Variants in SLC6A11 observed in about 807,000 individuals in gnomAD.
SLC6A11 encodes solute carrier family 6 member 11.
A neutral mutation model predicts 74.8 loss-of-function variants in SLC6A11; 25 were observed. The observed-to-expected ratio is 0.33, with a 90% CI of 0.24 to 0.47. The LOEUF is 0.47. Among genes scored for constraint, SLC6A11 ranks in the 20% least tolerant of loss-of-function variants. The probability of loss-of-function intolerance (pLI) is 1.00; values close to 1 mark genes in which losing one functional copy is unlikely to be tolerated. For synonymous variants in SLC6A11, 330 were observed against 330.2 expected (o/e 1.00, Z 0.01); for missense variants, 574 against 837.0 (o/e 0.69, Z 3.88).
intron 5 of SLC6A11, among the ~76,000 whole-genome samples, chr3:10,846,342 C>T (rs1694502863): frequency 6.6e-6 from 1 of 152,192 alleles, no homozygotes; most frequent in Non-Finnish European, 1.5e-5. Context: ...GGTATTATTA[C>T]TACTTTTGCT....
At chr3:10,822,039 A>G (rs913497810) in intron 3 of SLC6A11, among the ~76,000 whole-genome samples, 4 of 152,160 alleles carry the variant, frequency 2.6e-5, no homozygotes, top group Admixed American at 2.6e-4. Flanking sequence ...GACAATCTGG[A>G]TTTTCCCCAG....
intron 5 of SLC6A11, among the ~76,000 whole-genome samples, chr3:10,868,689 T>G (rs1288529198): frequency 6.6e-6 from 1 of 152,222 alleles, no homozygotes; most frequent in Non-Finnish European, 1.5e-5. Context: ...CAGCCAGGCT[T>G]GATGGTACCT....
intron 11 of SLC6A11, 108 bp from the exon 12 acceptor site, chr3:10,933,958 G>C (rs1031989659): frequency 1.7e-5 from 12 of 717,320 alleles, no homozygotes; most frequent in Non-Finnish European, 2.2e-5. Context: ...TCCTGCAGCA[G>C]TTTTTCTGTC....
At chr3:10,870,922 A>T (rs555714447) in intron 5 of SLC6A11, among the ~76,000 whole-genome samples, 1 of 152,310 alleles carries the variant, frequency 6.6e-6, no homozygotes, top group African/African-American at 2.4e-5. Context: ...TCATTTGAAT[A>T]TTTTATTTCC....
At chr3:10,910,983 G>C (rs904914061) in intron 6 of SLC6A11, among the ~76,000 whole-genome samples, 3 of 151,980 alleles carry the variant, frequency 2.0e-5, no homozygotes, top group African/African-American at 7.3e-5. Flanking sequence ...CACCACACCT[G>C]GCTAATTTTT....
intron 4 of SLC6A11, among the ~76,000 whole-genome samples, chr3:10,841,929 G>C (rs1275955099): frequency 6.6e-6 from 1 of 152,190 alleles, no homozygotes; most frequent in African/African-American, 2.4e-5. Context: ...GAGTGGGCTG[G>C]TGCAGAGTAC....
rs1230946361 is a variant in SLC6A11, at chr3:10,918,401, G to A, written c.1068G>A (p.Leu356=). 1.2e-6 allele frequency: 2 copies of A among 1,608,784 alleles called. No homozygotes were observed. Among genetic ancestry groups the A allele is most frequent in the Non-Finnish European group, 1.7e-6 (2 of 1,178,098 alleles). Residue 356 remains leucine, a synonymous_variant, in exon 8 of 14, where the codon CTG becomes CTA. Transcript: ENST00000254488. This position sits in a 1 kb window ranked among gnomAD's most constrained non-coding sequence, Gnocchi z 4.5. ...CTGGGTTTGCCATCTTCTCAGTCCT[G>A]GGTTTTATGGCGTACGAGCAGGGGG... ...FVAGFAIFSV[L]GFMAYEQGVP...
At chr3:10,858,121 G>A (rs1009186308) in intron 5 of SLC6A11, among the ~76,000 whole-genome samples, 1 of 152,192 alleles carries the variant, frequency 6.6e-6, no homozygotes, top group East Asian at 1.9e-4. Context: ...ACTAATAAAA[G>A]GGTGGTTGTG....
At chr3:10,922,668 GCT>G (rs1695552333) in intron 8 of SLC6A11, among the ~76,000 whole-genome samples, 1 of 152,052 alleles carries the variant, frequency 6.6e-6, no homozygotes, top group African/African-American at 2.4e-5. Context: ...TTTTTTATTA[GCT>G]CTGAGTCTTG....
intron 10 of SLC6A11, among the ~76,000 whole-genome samples, chr3:10,932,284 T>C (rs898402280): frequency 2.0e-5 from 3 of 152,092 alleles, no homozygotes; most frequent in South Asian, 2.1e-4. Context: ...TGGTCATTTC[T>C]TCATCCCATG....
intron 5 of SLC6A11, among the ~76,000 whole-genome samples, chr3:10,861,434 T>C (rs1694702146): frequency 6.6e-6 from 1 of 152,108 alleles, no homozygotes; most frequent in Non-Finnish European, 1.5e-5. Context: ...GGAGGATCAC[T>C]TGAGCCCAGG....
At chr3:10,868,299 G>A (rs1694789086) in intron 5 of SLC6A11, among the ~76,000 whole-genome samples, 1 of 152,140 alleles carries the variant, frequency 6.6e-6, no homozygotes, top group African/African-American at 2.4e-5. Context: ...CATTATCCTG[G>A]AAATCTTAGG....
chr3:10,881,142 A>C (rs1189161023), intron 6 of SLC6A11, among the ~76,000 whole-genome samples: 1 of 152,174 alleles, frequency 6.6e-6, no homozygotes, highest in African/African-American at 2.4e-5. Context: ...TAGGCTGGAC[A>C]CAGTGGTTCA....
intron 5 of SLC6A11, among the ~76,000 whole-genome samples, chr3:10,867,612 A>G (rs1276464326): frequency 6.6e-6 from 1 of 152,214 alleles, no homozygotes; most frequent in Admixed American, 6.5e-5. Context: ...AGAGCAAGGA[A>G]GGACCTCAGA....
intron 6 of SLC6A11, among the ~76,000 whole-genome samples, chr3:10,907,593 A>C (rs1034100959): frequency 6.6e-6 from 1 of 152,248 alleles, no homozygotes; most frequent in Non-Finnish European, 1.5e-5. Context: ...ACTTTAATAA[A>C]GTGTAGAACA....
At chr3:10,860,657 G>C (rs2106594084) in intron 5 of SLC6A11, among the ~76,000 whole-genome samples, 1 of 152,352 alleles carries the variant, frequency 6.6e-6, no homozygotes, top group East Asian at 1.9e-4. Flanking sequence ...GGTAACAGCA[G>C]CTTCCATGGC....
At chr3:10,904,637 G>A (rs1695280496) in intron 6 of SLC6A11, among the ~76,000 whole-genome samples, 1 of 152,200 alleles carries the variant, frequency 6.6e-6, no homozygotes, top group South Asian at 2.1e-4. Flanking sequence ...CGTCCTGGGA[G>A]ATGCTGGTCA....
chr3:10,835,380 G>A (rs1475627297), intron 4 of SLC6A11, among the ~76,000 whole-genome samples: 1 of 152,184 alleles, frequency 6.6e-6, no homozygotes, highest in Non-Finnish European at 1.5e-5. Context: ...GAGAATGGCT[G>A]CGTTATGAAC....
intron 3 of SLC6A11, among the ~76,000 whole-genome samples, chr3:10,822,997 C>T (rs536098440): frequency 1.8e-4 from 28 of 152,196 alleles, no homozygotes; most frequent in African/African-American, 6.5e-4. Context: ...GGGACTTAGG[C>T]AGGGAAGTGG....
Sources: gnomAD v4.1 joint callset for allele counts (sites outside exome capture counted in the v4.1 genomes callset) on GRCh38, gnomAD v4.1.1 for gene constraint, Gnocchi (gnomAD v3.1) non-coding constraint, MANE v1.5 for transcripts, NCBI Gene and HGNC (gene_info 2026-07-23, HGNC 2026-07-21) for gene names.